Variants in NPEPL1 observed in about 807,000 individuals in gnomAD.
NPEPL1 encodes the protein aminopeptidase like 1.
Under a neutral mutation model 52.4 loss-of-function variants are expected in NPEPL1, and 45 were observed. That is an observed-to-expected ratio of 0.86 (90% CI 0.68 to 1.10). NPEPL1 has a LOEUF of 1.10. Ranked by LOEUF, NPEPL1 falls within the 50% of genes least tolerant of loss-of-function variation. NPEPL1 has a pLI of 0.00. For missense variants in NPEPL1, 696 were observed against 710.9 expected (o/e 0.98, Z 0.24); for synonymous variants, 360 against 314.7 (o/e 1.14, Z -1.52).
At chr20:58,704,154 C>T (rs140036911) in intron 6 of NPEPL1, 20 of 985,428 alleles carry the variant, frequency 2.0e-5, no homozygotes, top group Admixed American at 1.2e-4. Flanking sequence ...CTCTCCCCAA[C>T]GGCCTGGTGT....
chr20:58,706,794 G>A (rs1163903896), intron 6 of NPEPL1, among the ~76,000 whole-genome samples: 4 of 152,204 alleles, frequency 2.6e-5, no homozygotes, highest in Non-Finnish European at 5.9e-5. Context: ...GTCAGAGCCC[G>A]GCCACAGCGA....
At chr20:58,707,224 T>A (rs370764149) in intron 7 of NPEPL1, 24 bp downstream of exon 7, 21 of 1,538,684 alleles carry the variant, frequency 1.4e-5, no homozygotes, top group Middle Eastern at 3.9e-4. Context: ...GCCCGCCCTC[T>A]GCAGGGGCAT....
chr20:58,701,784 AG>A (rs773415482), intron 6 of NPEPL1, among the ~76,000 whole-genome samples: 4 of 151,954 alleles, frequency 2.6e-5, no homozygotes, highest in Non-Finnish European at 5.9e-5. Context: ...CCCAAGAGCG[AG>A]GGGAATCTGG....
Position 58,713,415 on chromosome 20 carries a change from C to A in NPEPL1, c.1002-5C>A. ...CCCTGAGCGGGGATCTCTACCATGC[C>A]CCAGGACGGTGGAAATCAACAACAC... On this transcript the variant is annotated splice_polypyrimidine_tract_variant and splice_region_variant and intron_variant, in intron 8 of 11. Coordinates refer to ENST00000356091, the MANE Select transcript of NPEPL1 (RefSeq NM_024663.4). The surrounding 1 kb of genome is among the most constrained non-coding windows in gnomAD (Gnocchi z 4.6). The A allele has an allele frequency of 6.2e-7, 1 of 1,602,206 alleles. No homozygotes were observed. Among genetic ancestry groups the A allele is most frequent in the Non-Finnish European group, 8.5e-7 (1 of 1,174,256 alleles).
At chr20:58,712,436 C>T (rs2084868557) in intron 7 of NPEPL1, 43 bp from the exon 8 acceptor site, 1 of 1,394,768 alleles carries the variant, frequency 7.2e-7, no homozygotes, top group Non-Finnish European at 1.0e-6. Flanking sequence ...CCTCCCCAAA[C>T]CTATGACCTA....
upstream of NPEPL1, chr20:58,691,806 G>A: frequency 6.5e-7 from 1 of 1,542,758 alleles, no homozygotes; most frequent in Non-Finnish European, 8.7e-7. Flanking sequence ...ACCAACCAAA[G>A]GCCCTTGAGC....
intron 1 of NPEPL1, 197 bp from the exon 2 acceptor site, chr20:58,693,539 GA>G (rs2084398660): frequency 3.9e-6 from 2 of 514,002 alleles, no homozygotes; most frequent in Non-Finnish European, 6.9e-6. Flanking sequence ...CCACCAGGGG[GA>G]TGCGAGCCAG....
chr20:58,705,595 C>T, intron 6 of NPEPL1: 1 of 455,080 alleles, frequency 2.2e-6, no homozygotes, highest in Non-Finnish European at 4.4e-6. Context: ...GTGAAAAAGG[C>T]AGAGACCGTC....
chr20:58,715,513 C>T lies in NPEPL1; in HGVS notation c.*187C>T, dbSNP rs569714947. The stretch of plus-strand genomic sequence containing the variant: ...TTGGTGCGGGCCACGGGGAGGGGAC[C>T]GGGAAGCGCTGGGGCTTGTTTCTGT... On this transcript the variant is annotated 3_prime_UTR_variant, in exon 12 of 12. Transcript: ENST00000356091. The T allele has an allele frequency of 2.6e-5, 15 of 583,130 alleles. No homozygotes were observed. The highest frequency in any genetic ancestry group is 9.9e-5 in the East Asian group (3 of 30,308). The allele number at this position is 583,130 out of a possible 1,614,324, so 36.1% of individuals were successfully genotyped here.
Position 58,714,347 on chromosome 20 carries a change from C to T in NPEPL1, c.1303-213C>T, listed in dbSNP as rs935252395. Reference sequence around the variant, plus strand: ...GGTCTGGCTCAGTTGCCCCATCAGGCCCTTTGCTGGCTTCCCCCTTGGCCT... The same window carrying T: ...GGTCTGGCTCAGTTGCCCCATCAGGTCCTTTGCTGGCTTCCCCCTTGGCCT... On this transcript the variant is annotated intron_variant, in intron 10 of 11. Transcript: ENST00000356091. 9 of 604,328 alleles carry T rather than the reference C, an allele frequency of 1.5e-5. No homozygotes were observed. The African/African-American group carries it at 1.7e-4, about 11-fold the overall frequency. The allele number at this position is 604,328 out of a possible 1,614,324, so 37.4% of individuals were successfully genotyped here.
intron 4 of NPEPL1, 134 bp from the exon 5 acceptor site, chr20:58,699,063 G>A (rs1368499294): frequency 7.3e-6 from 6 of 819,006 alleles, no homozygotes; most frequent in Admixed American, 4.1e-5. Context: ...CATCACACGC[G>A]AAGCTGGCTC....
chr20:58,689,532 A>AT (rs1413663326), upstream of NPEPL1, among the ~76,000 whole-genome samples: 19 of 152,276 alleles, frequency 1.2e-4, no homozygotes, highest in South Asian at 1.7e-3. Flanking sequence ...AAGTGTTGGG[A>AT]TTACAGGCCT....
chr20:58,705,600 A>G (rs1294003129), intron 6 of NPEPL1: 6 of 454,670 alleles, frequency 1.3e-5, no homozygotes, highest in Non-Finnish European at 2.7e-5. Context: ...AAAGGCAGAG[A>G]CCGTCTTAAA....
At chr20:58,703,489 C>T (rs1021543795) in intron 6 of NPEPL1, 26 of 984,834 alleles carry the variant, frequency 2.6e-5, no homozygotes, top group Admixed American at 6.2e-5. Flanking sequence ...TCAATACCCA[C>T]GGTCACCCTG....
chr20:58,707,305 C>G (rs569190602), intron 7 of NPEPL1, 105 bp downstream of exon 7: 6 of 1,060,052 alleles, frequency 5.7e-6, no homozygotes, highest in African/African-American at 1.6e-5. Context: ...GGGTCCTACC[C>G]GAGTCTCCCC....
chr20:58,698,075 G>A (rs2084527664), intron 3 of NPEPL1, among the ~76,000 whole-genome samples: 1 of 152,264 alleles, frequency 6.6e-6, no homozygotes, highest in Admixed American at 6.5e-5. Flanking sequence ...CTGTCTTGCA[G>A]GGTTTATGAG....
chr20:58,714,746 C>A, intron 11 of NPEPL1, 76 bp downstream of exon 11: 2 of 1,169,658 alleles, frequency 1.7e-6, no homozygotes, highest in Admixed American at 2.1e-5. Flanking sequence ...GGCTCTGGAG[C>A]TGCTGGCAGA....
chr20:58,689,968 T>A (rs1007021929), upstream of NPEPL1, among the ~76,000 whole-genome samples: 3 of 152,234 alleles, frequency 2.0e-5, no homozygotes, highest in African/African-American at 7.2e-5. Flanking sequence ...CGAGGAAATG[T>A]TTCTTTGAAG....
At chr20:58,692,486 T>A (rs2084368413), upstream of NPEPL1, 1 of 152,082 alleles carries the variant, frequency 6.6e-6, no homozygotes, top group Non-Finnish European at 1.5e-5. The surrounding 1 kb of genome is among the most constrained non-coding windows in gnomAD (Gnocchi z 5.7). Flanking sequence ...CGGAACTGCG[T>A]CGGGTGGGCT....
Sources: allele counts gnomAD v4.1 joint callset (sites outside exome capture counted in the v4.1 genomes callset), GRCh38; gene constraint gnomAD v4.1.1; non-coding constraint Gnocchi (gnomAD v3.1); transcripts MANE v1.5; gene names NCBI Gene and HGNC (gene_info 2026-07-23, HGNC 2026-07-21).